Variants in UBE2E2 observed in about 807,000 individuals in gnomAD.
UBE2E2 encodes ubiquitin conjugating enzyme E2 E2.
A neutral mutation model predicts 24.7 loss-of-function variants in UBE2E2; 6 were observed. The ratio of observed to expected loss-of-function variants is 0.24; its 90% confidence interval spans 0.13 to 0.48. UBE2E2 has a LOEUF of 0.48. Ranked by LOEUF, UBE2E2 falls within the 20% of genes least tolerant of loss-of-function variation. UBE2E2 has a pLI of 0.99. For missense variants in UBE2E2, 169 were observed against 245.0 expected (o/e 0.69, Z 2.07); for synonymous variants, 104 against 83.6 (o/e 1.24, Z -1.33).
chr3:23,507,726 C>G lies in UBE2E2; in HGVS notation c.360+7986C>G, dbSNP rs534976799. On this transcript the variant is annotated intron_variant, in intron 4 of 5. Transcript: ENST00000396703. ...GGAATACTTGTTCCTGGATTATACA[C>G]TCTGGTATGAATTAATTATATCACA... 2.2e-4 allele frequency among the ~76,000 whole-genome samples: 33 copies of G among 152,290 alleles called. No individual in the cohort carries two copies. In the South Asian group the frequency reaches 6.8e-3, roughly 32 times the overall value.
chr3:23,484,790 GGGAAC>G (rs1699327340), intron 3 of UBE2E2, among the ~76,000 whole-genome samples: 1 of 152,120 alleles, frequency 6.6e-6, no homozygotes, highest in African/African-American at 2.4e-5. Flanking sequence ...GCTTATGCAG[GGGAAC>G]TGCCCTTTAT....
At chr3:23,367,694 G>A (rs1236083834) in intron 3 of UBE2E2, among the ~76,000 whole-genome samples, 3 of 152,164 alleles carry the variant, frequency 2.0e-5, no homozygotes, top group African/African-American at 7.2e-5. Flanking sequence ...CCAAAGACAG[G>A]GTTGCAGAAA....
chr3:23,290,234 G>T (rs1473863271), intron 3 of UBE2E2, among the ~76,000 whole-genome samples: 1 of 152,204 alleles, frequency 6.6e-6, no homozygotes, highest in East Asian at 1.9e-4. Flanking sequence ...ACCTTGTTAG[G>T]TCAGTAAAGC....
chr3:23,401,743 C>G (rs1697227302), intron 3 of UBE2E2, among the ~76,000 whole-genome samples: 1 of 151,912 alleles, frequency 6.6e-6, no homozygotes, highest in Admixed American at 6.6e-5. Flanking sequence ...TCCAGTGGCC[C>G]TATTTTGGCT....
chr3:23,388,271 A>G (rs1696851857), intron 3 of UBE2E2, among the ~76,000 whole-genome samples: 1 of 152,196 alleles, frequency 6.6e-6, no homozygotes, highest in Non-Finnish European at 1.5e-5. Context: ...ATTACATTTT[A>G]TCATAGACAG....
At chr3:23,299,533 C>T (rs1045876116) in intron 3 of UBE2E2, among the ~76,000 whole-genome samples, 10 of 152,064 alleles carry the variant, frequency 6.6e-5, no homozygotes, top group South Asian at 2.1e-4. Context: ...GCCTTCATTT[C>T]GTTATGTACC....
intron 3 of UBE2E2, among the ~76,000 whole-genome samples, chr3:23,277,641 A>G (rs1307334304): frequency 1.3e-5 from 2 of 152,124 alleles, no homozygotes; most frequent in Non-Finnish European, 2.9e-5. Flanking sequence ...TTAGGGGGCT[A>G]TAAATTAATT....
intron 3 of UBE2E2, among the ~76,000 whole-genome samples, chr3:23,409,351 G>A (rs1393251312): frequency 6.6e-6 from 1 of 152,088 alleles, no homozygotes; most frequent in East Asian, 1.9e-4. Context: ...CGTATTTTCA[G>A]GTACACACAA....
At chr3:23,302,315 A>G (rs111862991) in intron 3 of UBE2E2, among the ~76,000 whole-genome samples, 1 of 152,160 alleles carries the variant, frequency 6.6e-6, no homozygotes, top group Non-Finnish European at 1.5e-5. Flanking sequence ...CTATCCAACC[A>G]TATTTCCCAC....
chr3:23,360,670 A>T (rs566345917), intron 3 of UBE2E2, among the ~76,000 whole-genome samples: 1 of 152,152 alleles, frequency 6.6e-6, no homozygotes, highest in Non-Finnish European at 1.5e-5. Context: ...AGGTACAGCT[A>T]TATTTTTGAA....
At chr3:23,444,970 C>T (rs374975511) in intron 3 of UBE2E2, among the ~76,000 whole-genome samples, 92 of 152,298 alleles carry the variant, frequency 6.0e-4, no homozygotes, top group African/African-American at 1.8e-3. Flanking sequence ...AAAGACAAAT[C>T]ATTGCCACCC....
intron 3 of UBE2E2, among the ~76,000 whole-genome samples, chr3:23,487,187 C>T (rs74489435): frequency 5.9e-5 from 9 of 152,332 alleles, no homozygotes; most frequent in East Asian, 3.9e-4. Context: ...ACACCCAGCT[C>T]GGTCGCAGCA....
At chr3:23,525,122 C>T (rs1307777242) in intron 4 of UBE2E2, among the ~76,000 whole-genome samples, 2 of 152,166 alleles carry the variant, frequency 1.3e-5, no homozygotes, top group African/African-American at 4.8e-5. Flanking sequence ...TTCCTCACAT[C>T]ACTTATCACA....
intron 3 of UBE2E2, among the ~76,000 whole-genome samples, chr3:23,381,542 G>A (rs4858077): frequency 0.34 from 51,891 of 152,008 alleles, 10,552 homozygotes; most frequent in Admixed American, 0.52. Context: ...TAAGAGCTCC[G>A]CATTATTACT....
At chr3:23,406,551 A>C (rs968720200) in intron 3 of UBE2E2, among the ~76,000 whole-genome samples, 2 of 152,168 alleles carry the variant, frequency 1.3e-5, no homozygotes, top group African/African-American at 4.8e-5. Flanking sequence ...CTGTAGAGAG[A>C]AATAAGACAT....
chr3:23,304,871 A>T (rs1469844617), intron 3 of UBE2E2, among the ~76,000 whole-genome samples: 1 of 150,908 alleles, frequency 6.6e-6, no homozygotes, highest in East Asian at 1.9e-4. Context: ...TGTGTGTGTA[A>T]CTTCTATTTT....
At chr3:23,384,586 A>G (rs192619164) in intron 3 of UBE2E2, among the ~76,000 whole-genome samples, 3 of 152,280 alleles carry the variant, frequency 2.0e-5, no homozygotes, top group Non-Finnish European at 2.9e-5. Context: ...TCTGTCACCC[A>G]GGCTGGAGTG....
intron 3 of UBE2E2, among the ~76,000 whole-genome samples, chr3:23,337,708 T>A (rs4241512): frequency 0.071 from 10,751 of 152,054 alleles, 510 homozygotes; most frequent in Non-Finnish European, 0.088. Context: ...AACTGGAGTA[T>A]GAAAGAAGAA....
At position 23,488,797 on chromosome 3, in the gene UBE2E2, C is replaced by T. The variant is rs543476574; in HGVS notation, c.228-10811C>T. Among the ~76,000 whole-genome samples the T allele has an allele frequency of 2.6e-5, 4 of 152,158 alleles. 1 individual carries two copies. Among genetic ancestry groups the T allele is most frequent in the African/African-American group, 9.6e-5 (4 of 41,498 alleles). On this transcript the variant is annotated intron_variant, in intron 3 of 5. Coordinates refer to ENST00000396703, the MANE Select transcript of UBE2E2 (RefSeq NM_152653.4). ...CTGCCTAACAGGTGGGAGGTGGGGG[C>T]GGAATTAATTTAAGAAATATTCTTT... is the stretch of plus-strand genomic sequence containing the variant.
Sources: allele counts gnomAD v4.1 joint callset (sites outside exome capture counted in the v4.1 genomes callset), GRCh38; gene constraint gnomAD v4.1.1; transcripts MANE v1.5; gene names NCBI Gene and HGNC (gene_info 2026-07-23, HGNC 2026-07-21).